The following CHRM3 variants were observed in gnomAD, a reference collection of about 807,000 sequenced individuals.
CHRM3 encodes the protein muscarinic acetylcholine receptor M3.
In CHRM3, 11 loss-of-function variants were observed where a neutral mutation model predicts 41.8. That is an observed-to-expected ratio of 0.26 (90% confidence interval 0.17 to 0.44). The LOEUF (loss-of-function observed/expected upper bound fraction) is 0.44, where lower values mean the gene tolerates loss of function less well. Ranked by LOEUF, CHRM3 falls within the 20% of genes least tolerant of loss-of-function variation. CHRM3 has a pLI of 1.00. For missense variants in CHRM3, 571 were observed against 745.4 expected (o/e 0.77, Z 2.72); for synonymous variants, 297 against 301.4 (o/e 0.99, Z 0.15).
intron 1 of CHRM3, among the ~76,000 whole-genome samples, chr1:239,396,909 G>A (rs1000409229): frequency 1.3e-5 from 2 of 152,140 alleles, no homozygotes; most frequent in Admixed American, 6.6e-5. Context: ...TATTCCAAAA[G>A]ATTGACTGAT....
intron 1 of CHRM3, among the ~76,000 whole-genome samples, chr1:239,491,494 C>T (rs1667550526): frequency 6.6e-6 from 1 of 152,226 alleles, no homozygotes. Context: ...TCTCCAAGCT[C>T]CATGTTGCCA....
At chr1:239,837,974 G>A (rs1215624117) in intron 6 of CHRM3, among the ~76,000 whole-genome samples, 3 of 152,026 alleles carry the variant, frequency 2.0e-5, no homozygotes, top group African/African-American at 7.2e-5. Flanking sequence ...AATACTAAAA[G>A]GCAAAAATAG....
intron 1 of CHRM3, among the ~76,000 whole-genome samples, chr1:239,469,096 A>G (rs569781462): frequency 1.3e-5 from 2 of 152,354 alleles, no homozygotes; most frequent in South Asian, 2.1e-4. Flanking sequence ...GTTCTAGTCT[A>G]TAATTCATGT....
intron 1 of CHRM3, among the ~76,000 whole-genome samples, chr1:239,466,700 G>A (rs905326463): frequency 6.6e-6 from 1 of 152,012 alleles, no homozygotes; most frequent in Non-Finnish European, 1.5e-5. Flanking sequence ...TGGGCCTCTA[G>A]CAATCCTCCT....
At chr1:239,481,264 A>C (rs1572446133) in intron 1 of CHRM3, among the ~76,000 whole-genome samples, 1 of 150,494 alleles carries the variant, frequency 6.6e-6, no homozygotes, top group East Asian at 1.9e-4. Flanking sequence ...ACACATAAAG[A>C]ATATCTCTTA....
intron 5 of CHRM3, among the ~76,000 whole-genome samples, chr1:239,747,719 G>A (rs992964332): frequency 1.2e-4 from 18 of 152,142 alleles, no homozygotes; most frequent in African/African-American, 4.3e-4. Context: ...GTAAAATAAT[G>A]CTTATAATCT....
At chr1:239,521,004 A>G (rs1009467794) in intron 2 of CHRM3, among the ~76,000 whole-genome samples, 1 of 152,222 alleles carries the variant, frequency 6.6e-6, no homozygotes, top group African/African-American at 2.4e-5. Context: ...ATGAACTTGA[A>G]GGAATCAGGA....
chr1:239,496,407 C>A (rs550126093), intron 2 of CHRM3, among the ~76,000 whole-genome samples: 6 of 151,790 alleles, frequency 4.0e-5, no homozygotes, highest in Non-Finnish European at 5.9e-5. Context: ...ATCTATCTTG[C>A]AGATTATTTT....
At chr1:239,630,883 G>A (rs1669740320) in intron 3 of CHRM3, among the ~76,000 whole-genome samples, 1 of 151,656 alleles carries the variant, frequency 6.6e-6, no homozygotes, top group Non-Finnish European at 1.5e-5. Context: ...ACACTTCTCA[G>A]ATAGGGAGGG....
chr1:239,512,405 G>T (rs1284029416), intron 2 of CHRM3, among the ~76,000 whole-genome samples: 2 of 152,096 alleles, frequency 1.3e-5, no homozygotes, highest in Admixed American at 1.3e-4. Flanking sequence ...TAGGAAGGTG[G>T]CTACAAGTAG....
intron 6 of CHRM3, among the ~76,000 whole-genome samples, chr1:239,844,247 T>C (rs1192952610): frequency 6.6e-6 from 1 of 152,118 alleles, no homozygotes; most frequent in Admixed American, 6.6e-5. Context: ...ACCATATATG[T>C]CTGTTTAGAC....
At chr1:239,548,698 C>A (rs374303658) in intron 3 of CHRM3, among the ~76,000 whole-genome samples, 1 of 152,086 alleles carries the variant, frequency 6.6e-6, no homozygotes, top group Non-Finnish European at 1.5e-5. Flanking sequence ...TGTTGCTGTC[C>A]CTTTGTGAGG....
chr1:239,643,629 G>T (rs749024144), intron 4 of CHRM3, among the ~76,000 whole-genome samples: 1 of 152,206 alleles, frequency 6.6e-6, no homozygotes, highest in Non-Finnish European at 1.5e-5. Flanking sequence ...GAAAAGTGCA[G>T]TATTCGGGTG....
chr1:239,588,134 C>T (rs1235208023), intron 3 of CHRM3, among the ~76,000 whole-genome samples: 1 of 152,174 alleles, frequency 6.6e-6, no homozygotes, highest in Non-Finnish European at 1.5e-5. Context: ...TAATTTTAAA[C>T]AAACTTGATT....
intron 1 of CHRM3, among the ~76,000 whole-genome samples, chr1:239,473,289 C>T (rs930048893): frequency 1.5e-5 from 2 of 136,934 alleles, no homozygotes; most frequent in Non-Finnish European, 3.1e-5. Flanking sequence ...AAAGGACTTG[C>T]GAAAGTAAAA....
intron 5 of CHRM3, among the ~76,000 whole-genome samples, chr1:239,773,599 AG>A (rs1403622199): frequency 6.6e-6 from 1 of 152,212 alleles, no homozygotes; most frequent in African/African-American, 2.4e-5. Flanking sequence ...ATGAAAGTAA[AG>A]GAGCAAAAGA....
chr1:239,539,017 T>C (rs1415635253), intron 2 of CHRM3, among the ~76,000 whole-genome samples: 2 of 152,214 alleles, frequency 1.3e-5, no homozygotes, highest in Non-Finnish European at 2.9e-5. Context: ...TGAGCTACAA[T>C]GTGCATTTTT....
chr1:239,683,307 C>A (rs1042386352), intron 5 of CHRM3, among the ~76,000 whole-genome samples: 2 of 151,914 alleles, frequency 1.3e-5, no homozygotes, highest in African/African-American at 4.8e-5. Flanking sequence ...GTGACTTAAC[C>A]AATGAACTAG....
chr1:239,485,298 CTTATTA>C (rs759250337), intron 1 of CHRM3, among the ~76,000 whole-genome samples: 1 of 151,722 alleles, frequency 6.6e-6, no homozygotes, highest in African/African-American at 2.4e-5. Flanking sequence ...CTGGCAAAAT[CTTATTA>C]TTATTATTAT....
Sources: allele counts gnomAD v4.1 joint callset (sites outside exome capture counted in the v4.1 genomes callset), GRCh38; gene constraint gnomAD v4.1.1; transcripts MANE v1.5; gene names NCBI Gene and HGNC (gene_info 2026-07-23, HGNC 2026-07-21).